Variants in SRSF9 observed in about 807,000 individuals in gnomAD.
The protein encoded by SRSF9 is serine and arginine rich splicing factor 9.
In SRSF9, 3 loss-of-function variants were observed where a neutral mutation model predicts 25.9. The ratio of observed to expected loss-of-function variants is 0.12; its 90% CI spans 0.05 to 0.30. SRSF9 has a LOEUF of 0.30. Ranked by LOEUF, SRSF9 falls within the 10% of genes least tolerant of loss-of-function variation. The pLI, the probability that SRSF9 is intolerant of heterozygous loss-of-function variation, is 1.00. For missense variants in SRSF9, 161 were observed against 303.5 expected (o/e 0.53, Z 3.49); for synonymous variants, 114 against 113.2 (o/e 1.01, Z -0.05).
At chr12:120,464,344 C>T (rs1293825113) in intron 2 of SRSF9, 1 of 456,024 alleles carries the variant, frequency 2.2e-6, no homozygotes, top group African/African-American at 2.0e-5. Flanking sequence ...TTCCAGAGAC[C>T]AGGCCTTTTC....
chr12:120,465,714 T>C lies in SRSF9; in HGVS notation c.262A>G (p.Arg88Gly), dbSNP rs1256559379. The change falls in exon 2 of 4, where the codon AGG becomes GGG. Residue 88 changes from arginine to glycine, a missense_variant. Around this residue, in one of 3 missense-constraint regions of SRSF9, gnomAD observed 99 missense variants for 156.7 expected, o/e 0.63. Transcript: ENST00000229390. ...GQCRLRVEFP[R>G]TYGGRGGWPR... is the part of the protein sequence containing the mutation. Reference sequence around the variant, plus strand: ...CACCCACCCCGACCTCCATAAGTCCTGGGGAACTCCACACGAAGCCGACAC... The same window carrying C: ...CACCCACCCCGACCTCCATAAGTCCCGGGGAACTCCACACGAAGCCGACAC... The C allele has an allele frequency of 1.9e-6, 3 of 1,607,842 alleles. No homozygotes were observed. The highest frequency in any genetic ancestry group is 1.7e-6 in the Non-Finnish European group (2 of 1,177,870).
At chr12:120,465,527 G>T in intron 2 of SRSF9, 100 bp downstream of exon 2, 2 of 1,312,184 alleles carry the variant, frequency 1.5e-6, no homozygotes, top group Non-Finnish European at 2.0e-6. Context: ...AAGCCCCCGT[G>T]TCCCATGCAC....
intron 1 of SRSF9, among the ~76,000 whole-genome samples, chr12:120,468,774 G>A (rs1038344242): frequency 6.6e-6 from 1 of 152,218 alleles, no homozygotes; most frequent in Non-Finnish European, 1.5e-5. Context: ...TAGGAATCTA[G>A]AGTTTCCAAA....
At chr12:120,464,692 G>A in intron 2 of SRSF9, 1 of 152,308 alleles carries the variant, frequency 6.6e-6, no homozygotes, top group East Asian at 1.9e-4. Flanking sequence ...GGGAAGGTAA[G>A]ACTCAGATGC....
Position 120,461,867 on chromosome 12 carries a change from C to G in SRSF9, c.*152G>C. Reference sequence around the variant, plus strand: ...AAAATGTTTCACTGCTAATATGGCCCTGGTAGAAATTATGTAGTTTTTTTT... The same window carrying G: ...AAAATGTTTCACTGCTAATATGGCCGTGGTAGAAATTATGTAGTTTTTTTT... On this transcript the variant is annotated 3_prime_UTR_variant, in exon 4 of 4. Coordinates refer to ENST00000229390, the MANE Select transcript of SRSF9 (RefSeq NM_003769.3). 1.3e-6 allele frequency: 1 copy of G among 790,676 alleles called. No individual in the cohort carries two copies. Among genetic ancestry groups the G allele is most frequent in the Non-Finnish European group, 1.8e-6 (1 of 553,668 alleles). The allele number at this position is 790,676 out of a possible 1,614,324, so 49.0% of individuals were successfully genotyped here.
At chr12:120,467,096 T>C (rs915797576) in intron 1 of SRSF9, among the ~76,000 whole-genome samples, 8 of 152,300 alleles carry the variant, frequency 5.3e-5, no homozygotes, top group African/African-American at 1.9e-4. Flanking sequence ...ACATAATCAC[T>C]TGTAAGATTT....
chr12:120,462,275 CTG>C, intron 3 of SRSF9, 113 bp from the exon 4 acceptor site: 1 of 1,142,706 alleles, frequency 8.8e-7, no homozygotes, highest in Non-Finnish European at 1.2e-6. Context: ...ACTGTGTACT[CTG>C]TGCCTGGCAT....
At chr12:120,462,200 A>G (rs768249996) in intron 3 of SRSF9, 38 bp from the exon 4 acceptor site, 15 of 1,574,018 alleles carry the variant, frequency 9.5e-6, no homozygotes, top group Non-Finnish European at 1.1e-5. Flanking sequence ...TAAAGGGGAA[A>G]AAAATCAGAG....
chr12:120,464,158 C>A (rs780772497), intron 2 of SRSF9, 36 bp from the exon 3 acceptor site: 3 of 1,593,596 alleles, frequency 1.9e-6, no homozygotes, highest in Admixed American at 3.5e-5. Flanking sequence ...CCACATCCTT[C>A]AGCTATGTTA....
intron 1 of SRSF9, among the ~76,000 whole-genome samples, chr12:120,466,542 CTT>C (rs35719401): frequency 6.8e-6 from 1 of 146,640 alleles, no homozygotes; most frequent in Admixed American, 6.8e-5. Flanking sequence ...GAATGTGGAA[CTT>C]TTTTTTTTTT....
chr12:120,469,711 C>G lies in SRSF9; in HGVS notation c.-102G>C. The G allele has an allele frequency of 2.9e-6, 2 of 687,016 alleles. No individual in the cohort carries two copies. The highest frequency in any genetic ancestry group is 3.9e-6 in the Non-Finnish European group (2 of 510,954). 42.6% of individuals were successfully genotyped at this position (687,016 alleles called of 1,614,324 possible). Reference sequence around the variant, plus strand: ...CCCCGCGGGCTCCGAGGCGCTCAGCCGCACTGCATTGTGGGAACGCGGAGC... The same window carrying G: ...CCCCGCGGGCTCCGAGGCGCTCAGCGGCACTGCATTGTGGGAACGCGGAGC... On this transcript the variant is annotated 5_prime_UTR_variant, in exon 1 of 4. Transcript: ENST00000229390.
At chr12:120,463,789 A>T in intron 3 of SRSF9, 161 bp downstream of exon 3, 2 of 737,266 alleles carry the variant, frequency 2.7e-6, no homozygotes, top group Non-Finnish European at 4.3e-6. Flanking sequence ...ATGACCCTGA[A>T]GGACTTAGGC....
At chr12:120,467,372 G>A (rs1878502717) in intron 1 of SRSF9, among the ~76,000 whole-genome samples, 1 of 152,186 alleles carries the variant, frequency 6.6e-6, no homozygotes, top group South Asian at 2.1e-4. Context: ...ATGGCATCGC[G>A]CAGCTGTAAT....
chr12:120,463,643 G>T (rs774378465), intron 3 of SRSF9: 22 of 208,186 alleles, frequency 1.1e-4, no homozygotes, highest in Non-Finnish European at 1.7e-4. Flanking sequence ...TGTGAATGGG[G>T]TGGTATGAAG....
intron 1 of SRSF9, among the ~76,000 whole-genome samples, chr12:120,468,868 A>C (rs539723589): frequency 1.3e-3 from 204 of 152,282 alleles, no homozygotes; most frequent in Admixed American, 2.6e-3. Context: ...CTGTTTTAGA[A>C]GTTTTCCCGA....
chr12:120,469,318 G>C (rs1417254180), intron 1 of SRSF9, 104 bp downstream of exon 1: 1 of 730,756 alleles, frequency 1.4e-6, no homozygotes, highest in Non-Finnish European at 2.1e-6. Context: ...GCGGAGGCGG[G>C]GGGAGGGGAG....
rs1878596524 is a variant in SRSF9 at position 120,469,743 on chromosome 12, GA to G, written c.-135del. 2.1e-6 allele frequency: 1 copy of G among 481,326 alleles called. No homozygotes were observed. Among genetic ancestry groups the G allele is most frequent in the Non-Finnish European group, 3.1e-6 (1 of 327,522 alleles). 29.8% of individuals were successfully genotyped at this position (481,326 alleles called of 1,614,324 possible). The stretch of plus-strand genomic sequence containing the variant: ...CATTGTGGGAACGCGGAGCGGAAGC[GA>G]AGGGGTCGGCGGAGGCAAAAGGAGT... On this transcript the variant is annotated 5_prime_UTR_variant, in exon 1 of 4. Coordinates refer to ENST00000229390, the MANE Select transcript of SRSF9 (RefSeq NM_003769.3).
chr12:120,469,462 C>T lies in SRSF9; in HGVS notation c.148G>A (p.Gly50Ser). Residue 50 changes from glycine to serine, a missense_variant, in exon 1 of 4, where the codon GGC (glycine) becomes AGC (serine). By Grantham distance (56) the Gly-to-Ser change is moderately conservative. Coordinates refer to ENST00000229390, the MANE Select transcript of SRSF9 (RefSeq NM_003769.3). Reference protein sequence around the residue: ...IREIELKNRHGLVPFAFVRFE... With the variant: ...IREIELKNRHSLVPFAFVRFE... The stretch of plus-strand genomic sequence containing the variant: ...CGCACGAAGGCGAAGGGCACGAGGC[C>T]GTGCCGGTTCTTGAGCTCGATCTCG... The T allele has an allele frequency of 1.9e-6, 3 of 1,594,984 alleles. No individual in the cohort carries two copies. The highest frequency in any genetic ancestry group is 2.6e-6 in the Non-Finnish European group (3 of 1,172,140).
At chr12:120,468,623 C>A (rs1878544806) in intron 1 of SRSF9, among the ~76,000 whole-genome samples, 1 of 152,190 alleles carries the variant, frequency 6.6e-6, no homozygotes, top group Admixed American at 6.5e-5. Context: ...GGTGCGGGCT[C>A]TTATTTGGCC....
Sources: allele counts gnomAD v4.1 joint callset (sites outside exome capture counted in the v4.1 genomes callset), GRCh38; gene constraint gnomAD v4.1.1; regional missense constraint gnomAD v4.1.1; transcripts MANE v1.5; gene names NCBI Gene and HGNC (gene_info 2026-07-23, HGNC 2026-07-21).